FDX2: variants seen among roughly 807,000 people sequenced by gnomAD.
FDX2 encodes ferredoxin-2, mitochondrial.
FDX2 carries 13 observed loss-of-function variants against 18.5 expected under a neutral mutation model. That is an observed-to-expected ratio of 0.70 (90% confidence interval 0.46 to 1.12). The LOEUF is 1.12. Ranked by LOEUF, FDX2 falls within the 50% of genes most tolerant of loss-of-function variation. The pLI is 0.00. For missense variants in FDX2, 238 were observed against 250.4 expected (o/e 0.95, Z 0.34); for synonymous variants, 132 against 106.2 (o/e 1.24, Z -1.49).
intron 3 of FDX2, 47 bp downstream of exon 3, chr19:10,315,339 G>GACAAAT: frequency 6.2e-6 from 2 of 320,648 alleles, no homozygotes; most frequent in Non-Finnish European, 9.5e-6. Flanking sequence ...TTTTTTTTTT[G>GACAAAT]GACAAATGTA....
At chr19:10,312,495 C>T (rs1312025543) in intron 3 of FDX2, among the ~76,000 whole-genome samples, 2 of 152,078 alleles carry the variant, frequency 1.3e-5, no homozygotes, top group African/African-American at 4.8e-5. Context: ...CTTAGTCTTG[C>T]AGTTCCCCCA....
chr19:10,313,435 T>C (rs1489724371), intron 3 of FDX2, among the ~76,000 whole-genome samples: 3 of 151,842 alleles, frequency 2.0e-5, no homozygotes, highest in African/African-American at 7.3e-5. Flanking sequence ...GTTTTGTATA[T>C]TGCTGCCTGA....
chr19:10,315,588 A>T, intron 2 of FDX2, 96 bp from the exon 3 acceptor site: 2 of 1,521,988 alleles, frequency 1.3e-6, no homozygotes, highest in Non-Finnish European at 9.0e-7. Context: ...GGCTTGACGC[A>T]CAGGTACTGA....
intron 3 of FDX2, 49 bp downstream of exon 3, chr19:10,315,337 T>A: frequency 9.4e-7 from 1 of 1,064,558 alleles, no homozygotes; most frequent in Non-Finnish European, 1.3e-6. Context: ...TTTTTTTTTT[T>A]TGGACAAATG....
At chr19:10,310,793 G>A in intron 4 of FDX2, 60 bp downstream of exon 4, 1 of 1,560,490 alleles carries the variant, frequency 6.4e-7, no homozygotes, top group South Asian at 1.1e-5. Flanking sequence ...GGGGAGGATG[G>A]TGGGGGCTGC....
intron 3 of FDX2, among the ~76,000 whole-genome samples, chr19:10,311,380 G>C (rs1265815238): frequency 6.6e-6 from 1 of 151,850 alleles, no homozygotes. Flanking sequence ...GGTGGGGGAA[G>C]GAATCAGGCA....
At chr19:10,314,480 A>G (rs1007082017) in intron 3 of FDX2, among the ~76,000 whole-genome samples, 1 of 152,020 alleles carries the variant, frequency 6.6e-6, no homozygotes, top group Non-Finnish European at 1.5e-5. Flanking sequence ...AGGTGGGAGG[A>G]TCACTTGAAC....
At chr19:10,311,010 T>A in intron 3 of FDX2, 70 bp from the exon 4 acceptor site, 2 of 1,143,286 alleles carry the variant, frequency 1.7e-6, no homozygotes, top group Non-Finnish European at 2.5e-6. Flanking sequence ...GCGAATGGCG[T>A]AGAGGAGTAG....
At position 10,315,749 on chromosome 19, in the gene FDX2, CG is replaced by C; in HGVS notation, c.164del (p.Pro55ArgfsTer17). 6.3e-7 allele frequency: 1 copy of C among 1,582,926 alleles called. No individual in the cohort carries two copies. ...GGCCGCCCGCGTCCTCCTCTCCAGC[CG>C]GGCGCGAGCCTGGAAAACACGGTTC... On this transcript the variant is annotated frameshift_variant, in exon 2 of 5. Coordinates refer to ENST00000393708, the MANE Select transcript of FDX2 (RefSeq NM_001031734.4). LOFTEE classifies it high-confidence loss of function.
In FDX2 at chr19:10,315,770, C is replaced by A; in HGVS notation, c.155-11G>T. 1.9e-6 allele frequency: 3 copies of A among 1,603,150 alleles called. No homozygotes were observed. Among genetic ancestry groups the A allele is most frequent in the Non-Finnish European group, 2.6e-6 (3 of 1,175,564 alleles). ...CAGCCGGGCGCGAGCCTGGAAAACA[C>A]GGTTCGGTGAGCGGCTGCGCCGAGC... On this transcript the variant is annotated splice_polypyrimidine_tract_variant and intron_variant, in intron 1 of 4. Transcript: ENST00000393708.
At chr19:10,315,321 T>TTTTG in intron 3 of FDX2, 65 bp downstream of exon 3, 4 of 622,142 alleles carry the variant, frequency 6.4e-6, no homozygotes, top group Admixed American at 4.0e-5. Flanking sequence ...ATTTGTGGGT[T>TTTTG]TTTTTTTTTT....
intron 4 of FDX2, 50 bp from the exon 5 acceptor site, chr19:10,310,692 G>C (rs754076613): frequency 6.4e-7 from 1 of 1,565,414 alleles, no homozygotes; most frequent in South Asian, 1.1e-5. Flanking sequence ...TAGCTGGGTG[G>C]GTGGGGGGCC....
At chr19:10,315,233 G>C in intron 3 of FDX2, 153 bp downstream of exon 3, 1 of 612,122 alleles carries the variant, frequency 1.6e-6, no homozygotes, top group Non-Finnish European at 2.8e-6. Context: ...TAAGAGCTTG[G>C]CAACAGATGA....
intron 3 of FDX2, 49 bp downstream of exon 3, chr19:10,315,337 T>TTGACAAA: frequency 1.9e-6 from 2 of 1,064,554 alleles, no homozygotes; most frequent in African/African-American, 1.6e-5. Context: ...TTTTTTTTTT[T>TTGACAAA]TGGACAAATG....
intron 4 of FDX2, 77 bp from the exon 5 acceptor site, chr19:10,310,719 G>A (rs2040314953): frequency 1.5e-6 from 2 of 1,361,154 alleles, no homozygotes; most frequent in East Asian, 2.5e-5. Flanking sequence ...GGGGGAGGGA[G>A]GAAGCTGACT....
chr19:10,315,794 G>A, intron 1 of FDX2, 35 bp from the exon 2 acceptor site: 3 of 1,597,894 alleles, frequency 1.9e-6, no homozygotes, highest in Non-Finnish European at 2.6e-6. Context: ...GCTGCGCCGA[G>A]CCCCGCCCCG....
Position 10,315,893 on chromosome 19 carries a change from TC to T in FDX2, c.112del (p.Glu38ArgfsTer34), listed in dbSNP as rs781189461. ...TCTGGTTGTCCCCAGCGCCACCCCCTCCCCCGACCCGGAAGTGCCCCCAGGT... is the reference window on the plus strand; with the variant it reads ...TCTGGTTGTCCCCAGCGCCACCCCCTCCCCGACCCGGAAGTGCCCCCAGGT... On this transcript the variant is annotated frameshift_variant, in exon 1 of 5. Coordinates refer to ENST00000393708, the MANE Select transcript of FDX2 (RefSeq NM_001031734.4). LOFTEE classifies it high-confidence loss of function. 1 of 1,307,232 alleles carries T rather than the reference TC, an allele frequency of 7.6e-7. No individual in the cohort carries two copies. Among genetic ancestry groups the T allele is most frequent in the Non-Finnish European group, 1.1e-6 (1 of 950,100 alleles). The allele number at this position is 1,307,232 out of a possible 1,614,324, so 81.0% of individuals were successfully genotyped here. A position where few individuals can be genotyped will look rare whatever the true frequency, so the allele number is the denominator to read the frequency against.
intron 3 of FDX2, among the ~76,000 whole-genome samples, chr19:10,312,928 G>A (rs1349065018): frequency 6.6e-6 from 1 of 152,174 alleles, no homozygotes; most frequent in Non-Finnish European, 1.5e-5. Flanking sequence ...ACTGTGGTCA[G>A]GAGTTTGAGA....
chr19:10,313,925 C>T (rs1160987562), intron 3 of FDX2, among the ~76,000 whole-genome samples: 3 of 150,800 alleles, frequency 2.0e-5, no homozygotes, highest in Non-Finnish European at 4.4e-5. Flanking sequence ...ACCTCGTGAT[C>T]CGCCCGCCTC....
Sources: gnomAD v4.1 joint callset for allele counts (sites outside exome capture counted in the v4.1 genomes callset) on GRCh38, gnomAD v4.1.1 for gene constraint, MANE v1.5 for transcripts, NCBI Gene and HGNC (gene_info 2026-07-23, HGNC 2026-07-21) for gene names.